Variants in EYS observed in about 807,000 individuals in gnomAD.
EYS encodes protein eyes shut homolog.
EYS carries 250 observed loss-of-function variants against 282.1 expected under a neutral mutation model. The ratio of observed to expected loss-of-function variants is 0.89; its 90% CI spans 0.80 to 0.98. The LOEUF (loss-of-function observed/expected upper bound fraction) is 0.98, where lower values mean the gene tolerates loss of function less well. Among genes scored for constraint, EYS ranks in the 50% least tolerant of loss-of-function variants. EYS has a pLI of 0.00. For missense variants in EYS, 4,016 were observed against 3,709.0 expected (o/e 1.08, Z -2.15); for synonymous variants, 1,355 against 1,282.9 (o/e 1.06, Z -1.20).
chr6:64,699,883 C>A (rs1487778180), intron 22 of EYS, among the ~76,000 whole-genome samples: 2 of 151,918 alleles, frequency 1.3e-5, no homozygotes, highest in African/African-American at 2.4e-5. Context: ...GAAAGGGACA[C>A]AACACTAACA....
chr6:63,984,667 G>A lies in EYS; in HGVS notation c.6835-64C>T, dbSNP rs1482457. On this transcript the variant is annotated intron_variant, in intron 34 of 42. Transcript: ENST00000503581. ...TGTCAGATTATGTGGAAAAGATGTA[G>A]GATGTTTGGTTCTGTAATTGGATGT... 431,302 of 1,222,818 alleles carry A rather than the reference G, an allele frequency of 0.35. 78,078 individuals carry two copies. The highest frequency in any genetic ancestry group is 0.38 in the South Asian group (28,773 of 75,494). 75.7% of individuals were successfully genotyped at this position (1,222,818 alleles called of 1,614,324 possible).
At chr6:64,795,401 A>C (rs1257727651) in intron 22 of EYS, among the ~76,000 whole-genome samples, 1 of 152,184 alleles carries the variant, frequency 6.6e-6, no homozygotes, top group Non-Finnish European at 1.5e-5. Context: ...GTATGAGAGA[A>C]GGAACACCAT....
At chr6:63,999,230 G>T in intron 33 of EYS, 47 bp from the exon 34 acceptor site, 1 of 1,258,792 alleles carries the variant, frequency 7.9e-7, no homozygotes, top group Non-Finnish European at 1.1e-6. Flanking sequence ...TTTTTGGCAA[G>T]AAAGGAGTAA....
chr6:65,251,202 T>C (rs1466793841), intron 12 of EYS, among the ~76,000 whole-genome samples: 1 of 151,632 alleles, frequency 6.6e-6, no homozygotes, highest in Non-Finnish European at 1.5e-5. Context: ...AGACAAAATT[T>C]ATCTTCCAAC....
intron 11 of EYS, among the ~76,000 whole-genome samples, chr6:65,320,414 G>C (rs535382147): frequency 6.6e-6 from 1 of 152,166 alleles, no homozygotes; most frequent in Non-Finnish European, 1.5e-5. Context: ...GAATCCAGAC[G>C]GATAATGGAG....
intron 23 of EYS, among the ~76,000 whole-genome samples, chr6:64,619,980 C>A (rs1767392895): frequency 1.3e-5 from 2 of 152,080 alleles, no homozygotes; most frequent in Non-Finnish European, 2.9e-5. Context: ...AAAGCCTAGT[C>A]AAACTGAGAA....
chr6:64,393,399 C>A (rs574599159), intron 28 of EYS, among the ~76,000 whole-genome samples: 24 of 152,132 alleles, frequency 1.6e-4, no homozygotes, highest in Non-Finnish European at 1.9e-4. Flanking sequence ...ACTGGCAAAA[C>A]GAATCCAGCA....
At chr6:63,796,231 C>T (rs1236019120) in intron 37 of EYS, among the ~76,000 whole-genome samples, 1 of 152,144 alleles carries the variant, frequency 6.6e-6, no homozygotes, top group African/African-American at 2.4e-5. Context: ...TTAGGGCGTA[C>T]CCCAGAAATT....
At chr6:64,220,601 A>G (rs1266487027) in intron 31 of EYS, among the ~76,000 whole-genome samples, 1 of 152,176 alleles carries the variant, frequency 6.6e-6, no homozygotes, top group Non-Finnish European at 1.5e-5. Flanking sequence ...TACAATGTTC[A>G]TTCAAAATCC....
At chr6:64,757,323 G>A (rs750419275) in intron 22 of EYS, among the ~76,000 whole-genome samples, 7 of 152,052 alleles carry the variant, frequency 4.6e-5, no homozygotes, top group Admixed American at 2.0e-4. Flanking sequence ...GCTCCCACAC[G>A]TCTTGTTCAG....
chr6:65,251,246 C>A (rs1014889046), intron 12 of EYS, among the ~76,000 whole-genome samples: 1 of 151,344 alleles, frequency 6.6e-6, no homozygotes, highest in African/African-American at 2.4e-5. Context: ...AAACAAATAG[C>A]ATCAATTTTA....
chr6:64,470,960 G>C (rs901099882), intron 26 of EYS, among the ~76,000 whole-genome samples: 1 of 152,050 alleles, frequency 6.6e-6, no homozygotes, highest in Non-Finnish European at 1.5e-5. Flanking sequence ...AAGAGACATA[G>C]ACATCCATAC....
intron 28 of EYS, among the ~76,000 whole-genome samples, chr6:64,391,500 C>A (rs1267402619): frequency 6.6e-6 from 1 of 151,678 alleles, no homozygotes; most frequent in Non-Finnish European, 1.5e-5. Flanking sequence ...AATTTTCAAC[C>A]CAGAATTTCA....
chr6:65,327,729 A>C (rs1181170674), intron 11 of EYS, among the ~76,000 whole-genome samples: 1 of 151,568 alleles, frequency 6.6e-6, no homozygotes, highest in Non-Finnish European at 1.5e-5. Flanking sequence ...CAAGACCACT[A>C]TTTCTATACA....
At chr6:63,942,020 G>A (rs1313777142) in intron 35 of EYS, among the ~76,000 whole-genome samples, 1 of 152,178 alleles carries the variant, frequency 6.6e-6, no homozygotes, top group Non-Finnish European at 1.5e-5. Context: ...CACTAAAGGT[G>A]TTGCAGTAGT....
chr6:64,636,524 G>A (rs1464519193), intron 22 of EYS, among the ~76,000 whole-genome samples: 1 of 152,224 alleles, frequency 6.6e-6, no homozygotes, highest in Admixed American at 6.5e-5. Flanking sequence ...CAGAACATAG[G>A]CATGGGCAAG....
chr6:64,604,061 G>T (rs1766846005), intron 24 of EYS, among the ~76,000 whole-genome samples: 1 of 151,700 alleles, frequency 6.6e-6, no homozygotes, highest in African/African-American at 2.4e-5. Context: ...TTTTTGGGTG[G>T]AACATGTTCC....
chr6:63,771,980 T>C (rs1327422887), intron 40 of EYS, among the ~76,000 whole-genome samples: 2 of 152,136 alleles, frequency 1.3e-5, no homozygotes, highest in African/African-American at 2.4e-5. Context: ...TAAAAAGATA[T>C]CTAGGCTTAT....
chr6:65,436,094 A>G (rs1768066079), intron 5 of EYS, among the ~76,000 whole-genome samples: 1 of 152,186 alleles, frequency 6.6e-6, no homozygotes. Context: ...TAAAATACAT[A>G]TAACCAAAAG....
Sources: gnomAD v4.1 joint callset for allele counts (sites outside exome capture counted in the v4.1 genomes callset) on GRCh38, gnomAD v4.1.1 for gene constraint, MANE v1.5 for transcripts, NCBI Gene and HGNC (gene_info 2026-07-23, HGNC 2026-07-21) for gene names.